The following ABCC10 variants were observed in gnomAD, a reference collection of about 807,000 sequenced individuals.
ABCC10 encodes the protein ATP binding cassette subfamily C member 10.
A neutral mutation model predicts 143.2 loss-of-function variants in ABCC10; 110 were observed. That is an observed-to-expected ratio of 0.77 (90% CI 0.66 to 0.90). ABCC10 has a LOEUF of 0.90. Among genes scored for constraint, ABCC10 ranks in the 40% least tolerant of loss-of-function variants. The probability of loss-of-function intolerance (pLI) is 0.00; values close to 1 mark genes in which losing one functional copy is unlikely to be tolerated. For missense variants in ABCC10, 1,700 were observed against 1,900.5 expected (o/e 0.89, Z 1.96); for synonymous variants, 805 against 846.7 (o/e 0.95, Z 0.85).
chr6:43,433,323 A>G lies in ABCC10; in HGVS notation c.1343A>G (p.Asn448Ser). Residue 448 changes from asparagine to serine, a missense_variant, in exon 3 of 22, where the codon AAC becomes AGC. Asn to Ser is a conservative substitution (Grantham distance 46, BLOSUM62 1). Coordinates refer to ENST00000372530, the MANE Select transcript of ABCC10 (RefSeq NM_001198934.2). The part of the protein sequence containing the change: ...KVIATRIMAS[N>S]QEMLQHKDAR... Reference sequence around the variant, plus strand: ...ATTGCCACCCGCATCATGGCCAGCAACCAGGAAATGCTACAGCACAAGGAT... The same window carrying G: ...ATTGCCACCCGCATCATGGCCAGCAGCCAGGAAATGCTACAGCACAAGGAT... 2 of 1,613,950 alleles carry G rather than the reference A, an allele frequency of 1.2e-6. No individual in the cohort carries two copies. Among genetic ancestry groups the G allele is most frequent in the Non-Finnish European group, 1.7e-6 (2 of 1,179,836 alleles).
downstream of ABCC10, chr6:43,451,136 G>A (rs373336951): frequency 3.9e-5 from 63 of 1,614,200 alleles, 1 homozygote; most frequent in South Asian, 2.2e-4. This position sits in a 1 kb window ranked among gnomAD's most constrained non-coding sequence, Gnocchi z 4.4. Flanking sequence ...AGGTGGCACC[G>A]TTAGCACAAG....
intron 8 of ABCC10, among the ~76,000 whole-genome samples, chr6:43,439,027 CT>C (rs1429472764): frequency 1.3e-5 from 2 of 152,196 alleles, no homozygotes; most frequent in Non-Finnish European, 2.9e-5. Context: ...CCTAAGGCCT[CT>C]GGAGCTAGGG....
chr6:43,428,027 C>T lies in ABCC10; in HGVS notation c.49C>T (p.Leu17Phe). 2.5e-6 allele frequency: 4 copies of T among 1,607,906 alleles called. No individual in the cohort carries two copies. The highest frequency in any genetic ancestry group is 3.4e-6 in the Non-Finnish European group (4 of 1,177,938). The change falls in exon 2 of 22, where the codon CTC becomes TTC. Residue 17 changes from leucine to phenylalanine, a missense_variant. Coordinates refer to ENST00000372530, the MANE Select transcript of ABCC10 (RefSeq NM_001198934.2). ...QLCGSSAAWP[L>F]PLWEGDTTGH... ...GTGCGGCAGCAGCGCAGCGTGGCCG[C>T]TCCCGCTGTGGGAGGGGGACACCAC...
At chr6:43,444,121 T>G in intron 11 of ABCC10, 38 bp from the exon 12 acceptor site, 1 of 1,611,264 alleles carries the variant, frequency 6.2e-7, no homozygotes. Flanking sequence ...GCTGGCACCC[T>G]GCAAGCTTAA....
chr6:43,436,756 ACT>A (rs768127916), intron 6 of ABCC10, among the ~76,000 whole-genome samples: 3 of 151,826 alleles, frequency 2.0e-5, no homozygotes, highest in Non-Finnish European at 4.4e-5. Context: ...CTGAGTTTTC[ACT>A]CTCTCCTGAC....
In ABCC10 at chr6:43,432,566, C is replaced by T. The variant is rs1781251169; in HGVS notation, c.586C>T (p.Arg196Ter). Residue 196 changes from arginine to a stop codon, truncating the protein, a stop_gained, in exon 3 of 22, where the codon CGA becomes TGA. Transcript: ENST00000372530. LOFTEE classifies it high-confidence loss of function. Reference protein sequence around the residue: ...ALGWAAPGGPREPWAQEPLLP... With the variant: ...ALGWAAPGGP ...GGGATGGGCAGCTCCTGGGGGACCACGAGAACCCTGGGCTCAGGAGCCCCT... is the reference window on the plus strand; with the variant it reads ...GGGATGGGCAGCTCCTGGGGGACCATGAGAACCCTGGGCTCAGGAGCCCCT... 4.3e-6 allele frequency: 7 copies of T among 1,613,478 alleles called. No individual in the cohort carries two copies. Among genetic ancestry groups the T allele is most frequent in the South Asian group, 2.2e-5 (2 of 91,086 alleles).
chr6:43,439,863 T>A (rs1782165942), intron 8 of ABCC10, among the ~76,000 whole-genome samples: 1 of 152,120 alleles, frequency 6.6e-6, no homozygotes, highest in African/African-American at 2.4e-5. Context: ...ATTACAGGCG[T>A]GAGCCACCGC....
intron 18 of ABCC10, 124 bp downstream of exon 18, chr6:43,448,061 G>A: frequency 1.4e-6 from 2 of 1,452,824 alleles, no homozygotes; most frequent in Non-Finnish European, 1.9e-6. Context: ...GGGCTGAAAT[G>A]GAGGACAGGA....
chr6:43,429,719 A>T lies in ABCC10; in HGVS notation c.161+1580A>T, dbSNP rs187461810. ...ACGTGGCAGAATGCCATCTCTACTA[A>T]AAATACAAAAAATTGGCCGGGCCCA... On this transcript the variant is annotated intron_variant, in intron 2 of 21. Transcript: ENST00000372530. 2.3e-3 allele frequency among the ~76,000 whole-genome samples: 348 copies of T among 152,284 alleles called. 1 individual carries two copies. Among genetic ancestry groups the T allele is most frequent in the Admixed American group, 3.9e-3 (60 of 15,296 alleles).
chr6:43,435,961 C>T, intron 5 of ABCC10, 54 bp downstream of exon 5: 3 of 1,609,512 alleles, frequency 1.9e-6, no homozygotes, highest in Non-Finnish European at 2.5e-6. Flanking sequence ...GGAAGTGGAG[C>T]CACTTGGGTG....
In ABCC10 at chr6:43,445,241, C is replaced by T; in HGVS notation, c.2957C>T (p.Ala986Val). 1 of 1,614,084 alleles carries T rather than the reference C, an allele frequency of 6.2e-7. No individual in the cohort carries two copies. The highest frequency in any genetic ancestry group is 8.5e-7 in the Non-Finnish European group (1 of 1,180,000). Residue 986 changes from alanine to valine, a missense_variant, in exon 14 of 22, where the codon GCA becomes GTA. Physicochemically the swap from Ala to Val is moderately conservative, Grantham distance 64. Transcript: ENST00000372530. ...GVNSLCTLLR[A>V]VLFAAGTLQA... ...AATTCCCTCTGCACCCTTCTCCGGG[C>T]AGTGCTCTTTGCAGCAGGCACCCTT... is the stretch of plus-strand genomic sequence containing the variant.
At chr6:43,445,442 G>T in intron 14 of ABCC10, 128 bp downstream of exon 14, 3 of 1,356,498 alleles carry the variant, frequency 2.2e-6, no homozygotes, top group Non-Finnish European at 3.0e-6. Flanking sequence ...CTCAACCTCT[G>T]CCAATCTCTC....
chr6:43,434,409 G>A, intron 3 of ABCC10: 1 of 530,020 alleles, frequency 1.9e-6, no homozygotes, highest in South Asian at 2.7e-5. Context: ...GTAAGAGACT[G>A]GGAGGGGAAG....
chr6:43,451,344 C>T (rs1783721389), downstream of ABCC10: 2 of 1,529,592 alleles, frequency 1.3e-6, no homozygotes, highest in Non-Finnish European at 1.8e-6. This position sits in a 1 kb window ranked among gnomAD's most constrained non-coding sequence, Gnocchi z 4.4. Context: ...AGGTCAGTAT[C>T]CTGACCACTG....
In ABCC10 at chr6:43,434,727, T is replaced by G. The variant is rs1169530741; in HGVS notation, c.1487T>G (p.Leu496Arg). 7 of 1,614,056 alleles carry G rather than the reference T, an allele frequency of 4.3e-6. No homozygotes were observed. Among genetic ancestry groups the G allele is most frequent in the Non-Finnish European group, 5.9e-6 (7 of 1,180,038 alleles). The change falls in exon 4 of 22, where the codon CTC becomes CGC. Residue 496 changes from leucine to arginine, a missense_variant. Physicochemically the swap from Leu to Arg is moderately radical, Grantham distance 102 (BLOSUM62 -2). Coordinates refer to ENST00000372530, the MANE Select transcript of ABCC10 (RefSeq NM_001198934.2). ...EACRARELGR[L>R]RVIKYLDAAC... ...TGCCGGGCTCGAGAGCTGGGGCGAC[T>G]CCGGGTCATCAAATACCTGGATGCG...
intron 6 of ABCC10, among the ~76,000 whole-genome samples, chr6:43,436,925 T>A (rs1213957640): frequency 6.6e-6 from 1 of 152,226 alleles, no homozygotes; most frequent in Non-Finnish European, 1.5e-5. Context: ...CAAAGGAATT[T>A]TGCTAATGTG....
chr6:43,444,783 C>G lies in ABCC10; in HGVS notation c.2690-5C>G. ...TACAGCTTTTTCCTTCCTGTCCCCA[C>G]CCAGCCACGCGGAACGCTGCTGACT... On this transcript the variant is annotated splice_polypyrimidine_tract_variant and splice_region_variant and intron_variant, in intron 12 of 21. Coordinates refer to ENST00000372530, the MANE Select transcript of ABCC10 (RefSeq NM_001198934.2). 6.3e-7 allele frequency: 1 copy of G among 1,584,534 alleles called. No individual in the cohort carries two copies. Among genetic ancestry groups the G allele is most frequent in the Non-Finnish European group, 8.6e-7 (1 of 1,166,580 alleles).
chr6:43,427,590 T>G lies in ABCC10; in HGVS notation c.-179T>G, dbSNP rs1581683994. 3 of 308,326 alleles carry G rather than the reference T, an allele frequency of 9.7e-6. No homozygotes were observed. Among genetic ancestry groups the G allele is most frequent in the South Asian group, 2.8e-5 (1 of 36,118 alleles). The allele number at this position is 308,326 out of a possible 1,614,324, so 19.1% of individuals were successfully genotyped here. A position where few individuals can be genotyped will look rare whatever the true frequency, so the allele number is the denominator to read the frequency against. On this transcript the variant is annotated 5_prime_UTR_variant, in exon 1 of 22. Transcript: ENST00000372530. ...CCGGCTAGGTCTTCCAACCTCTAGGTGGGGTGCCAGCCGGGGCGGGCCCAG... is the reference window on the plus strand; with the variant it reads ...CCGGCTAGGTCTTCCAACCTCTAGGGGGGGTGCCAGCCGGGGCGGGCCCAG...
At position 43,435,840 on chromosome 6, in the gene ABCC10, G is replaced by A. The variant is rs1358613241; in HGVS notation, c.1698G>A (p.Val566=). 1 of 1,614,184 alleles carries A rather than the reference G, an allele frequency of 6.2e-7. No individual in the cohort carries two copies. The highest frequency in any genetic ancestry group is 8.5e-7 in the Non-Finnish European group (1 of 1,180,054). The change falls in exon 5 of 22, where the codon GTG becomes GTA. Residue 566 remains valine, a synonymous_variant. Transcript: ENST00000372530. The part of the protein sequence containing the change: ...WVINGLLEAK[V]SLDRIQLFLD... ...TCAATGGTCTCCTGGAGGCCAAAGT[G>A]TCCTTGGACCGGATCCAGCTTTTCC...
Sources: allele counts gnomAD v4.1 joint callset (sites outside exome capture counted in the v4.1 genomes callset), GRCh38; gene constraint gnomAD v4.1.1; non-coding constraint Gnocchi (gnomAD v3.1); transcripts MANE v1.5; gene names NCBI Gene and HGNC (gene_info 2026-07-23, HGNC 2026-07-21).